STARD13: variants seen among roughly 807,000 people sequenced by gnomAD.
STARD13 encodes the protein StAR related lipid transfer domain containing 13.
A neutral mutation model predicts 106.4 loss-of-function variants in STARD13; 62 were observed. The ratio of observed to expected loss-of-function variants is 0.58; its 90% CI spans 0.48 to 0.72. The LOEUF is 0.72. Among genes scored for constraint, STARD13 ranks in the 30% least tolerant of loss-of-function variants. The pLI is 0.00. For synonymous variants in STARD13, 565 were observed against 553.0 expected, an observed-to-expected ratio of 1.02 and a Z score of -0.31; for missense variants, 1,387 against 1,424.0, an observed-to-expected ratio of 0.97 and a Z score of 0.42.
chr13:33,118,745 A>G (rs1875792869), intron 7 of STARD13, among the ~76,000 whole-genome samples: 1 of 152,212 alleles, frequency 6.6e-6, no homozygotes, highest in African/African-American at 2.4e-5. Flanking sequence ...TGGATGAAAG[A>G]ATCCCAGATA....
At chr13:33,662,201 G>A in the STARD13 span, among the ~76,000 whole-genome samples, 2 of 151,366 alleles carry the variant, frequency 1.3e-5, no homozygotes, top group African/African-American at 4.9e-5. Flanking sequence ...GGCGGAGCTT[G>A]CAGTGAGCCG....
chr13:33,113,003 G>A, intron 8 of STARD13, 72 bp from the exon 9 acceptor site: 3 of 1,183,562 alleles, frequency 2.5e-6, no homozygotes, highest in Admixed American at 2.2e-5. Flanking sequence ...CACTGTGTAA[G>A]CTCCACATTC....
chr13:33,175,861 T>C (rs1884464194), intron 1 of STARD13, among the ~76,000 whole-genome samples: 1 of 152,250 alleles, frequency 6.6e-6, no homozygotes, highest in African/African-American at 2.4e-5. Context: ...CATTTCTGAA[T>C]GTCTATGCTT....
chr13:33,343,856 T>G (rs1184643161), downstream of STARD13, among the ~76,000 whole-genome samples: 1 of 151,976 alleles, frequency 6.6e-6, no homozygotes, highest in East Asian at 1.9e-4. Flanking sequence ...CAACAAAGCC[T>G]AACTTTATCT....
chr13:33,356,508 T>C, the STARD13 span, among the ~76,000 whole-genome samples: 1 of 152,192 alleles, frequency 6.6e-6, no homozygotes, highest in East Asian at 1.9e-4. Flanking sequence ...CCAACTAGGT[T>C]CATACCATGG....
the STARD13 span, among the ~76,000 whole-genome samples, chr13:33,559,121 G>A: frequency 1.3e-5 from 2 of 151,462 alleles, no homozygotes; most frequent in African/African-American, 2.4e-5. Flanking sequence ...AAGACTGTTC[G>A]GTTTCTTCCT....
the STARD13 span, among the ~76,000 whole-genome samples, chr13:33,502,180 C>T: frequency 6.6e-6 from 1 of 152,044 alleles, no homozygotes; most frequent in Non-Finnish European, 1.5e-5. Context: ...GTTTGGCTCT[C>T]TTTTTGTCTT....
chr13:33,186,024 G>T, intron 1 of STARD13: 1 of 1,614,094 alleles, frequency 6.2e-7, no homozygotes, highest in Non-Finnish European at 8.5e-7. Context: ...TTCCAGCATG[G>T]AGGTTCAAAG....
rs1338340124 is a variant in STARD13, at chr13:33,222,342, G to C, written c.170-54720C>G. On this transcript the variant is annotated intron_variant, in intron 1 of 13. Transcript: ENST00000336934. Reference sequence around the variant, plus strand: ...ATTGGAGAGTTGTTTAATGGGCATAGAGTTTCAGTTTTGCAAGGTGAAAAA... The same window carrying C: ...ATTGGAGAGTTGTTTAATGGGCATACAGTTTCAGTTTTGCAAGGTGAAAAA... Among the ~76,000 whole-genome samples, 3 of 152,310 alleles carry C rather than the reference G, an allele frequency of 2.0e-5. No individual in the cohort carries two copies. The East Asian group carries it at 5.8e-4, about 29-fold the overall frequency.
At chr13:33,638,116 T>A in the STARD13 span, among the ~76,000 whole-genome samples, 1 of 152,232 alleles carries the variant, frequency 6.6e-6, no homozygotes, top group Non-Finnish European at 1.5e-5. Context: ...TATGAGTGAC[T>A]AATGGCCCAT....
chr13:33,128,053 G>A (rs1877508889), intron 5 of STARD13, among the ~76,000 whole-genome samples: 3 of 151,946 alleles, frequency 2.0e-5, no homozygotes, highest in African/African-American at 7.3e-5. Context: ...CAGAGGCAGA[G>A]GATGGAGAGA....
rs138072377 is a variant in STARD13 at position 33,271,081 on chromosome 13, G to T, written c.169+14389C>A. Reference sequence around the variant, plus strand: ...TGGCAAAATTTCACAAACACCAGAAGTTGGCAGAACATTGATACTTTTTTC... The same window carrying T: ...TGGCAAAATTTCACAAACACCAGAATTTGGCAGAACATTGATACTTTTTTC... On this transcript the variant is annotated intron_variant, in intron 1 of 13. Transcript: ENST00000336934. Among the ~76,000 whole-genome samples the T allele has an allele frequency of 3.3e-5, 5 of 152,286 alleles. No individual in the cohort carries two copies. In the East Asian group the frequency reaches 9.6e-4, roughly 29 times the overall value.
chr13:33,276,833 C>T (rs1297303265), intron 1 of STARD13: 1 of 152,124 alleles, frequency 6.6e-6, no homozygotes, highest in East Asian at 1.9e-4. Context: ...GGCAAAGCAA[C>T]ACAAATCATT....
chr13:33,191,782 T>G (rs1886273126), intron 1 of STARD13, among the ~76,000 whole-genome samples: 1 of 152,244 alleles, frequency 6.6e-6, no homozygotes, highest in South Asian at 2.1e-4. Flanking sequence ...TTGTTCATTT[T>G]CAATTTTATT....
rs767681764 is a variant in STARD13 at position 33,110,900 on chromosome 13, T to A, written c.2615A>T (p.His872Leu). The A allele has an allele frequency of 6.2e-7, 1 of 1,612,864 alleles. No homozygotes were observed. Among genetic ancestry groups the A allele is most frequent in the East Asian group, 2.2e-5 (1 of 44,884 alleles). The change falls in exon 11 of 14, where the codon CAC (histidine) becomes CTC (leucine). Residue 872 changes from histidine to leucine, a missense_variant. Transcript: ENST00000336934. ...GTTACGAGACTGGGCCACCAACTCG[T>A]GTGGAACCTAGACCAACGGATGCAT... ...MECDRLFEVP[H>L]ELVAQSRNSY...
the STARD13 span, among the ~76,000 whole-genome samples, chr13:33,545,863 A>G: frequency 6.6e-6 from 1 of 152,206 alleles, no homozygotes; most frequent in Non-Finnish European, 1.5e-5. Flanking sequence ...TGCTGGTACC[A>G]TGCTTCTTGT....
chr13:33,384,444 T>C, the STARD13 span, among the ~76,000 whole-genome samples: 1,445 of 152,240 alleles, frequency 9.5e-3, 22 homozygotes, highest in African/African-American at 0.033. Flanking sequence ...ATCTTAAGAG[T>C]ACTCTGTGTC....
the STARD13 span, among the ~76,000 whole-genome samples, chr13:33,597,077 G>C: frequency 6.6e-6 from 1 of 152,100 alleles, no homozygotes; most frequent in African/African-American, 2.4e-5. Context: ...GCATAGTACT[G>C]CTGTTCTATT....
At chr13:33,521,890 T>G in the STARD13 span, among the ~76,000 whole-genome samples, 1 of 152,108 alleles carries the variant, frequency 6.6e-6, no homozygotes, top group Non-Finnish European at 1.5e-5. Context: ...GGAAAGCAGC[T>G]AAGGCAAGTC....
Sources: gnomAD v4.1 joint callset for allele counts (sites outside exome capture counted in the v4.1 genomes callset) on GRCh38, gnomAD v4.1.1 for gene constraint, MANE v1.5 for transcripts, NCBI Gene and HGNC (gene_info 2026-07-23, HGNC 2026-07-21) for gene names.